The following TPTE variants were observed in gnomAD, a reference collection of about 807,000 sequenced individuals.
TPTE encodes the protein putative tyrosine-protein phosphatase TPTE.
In TPTE, 59 loss-of-function variants were observed where a neutral mutation model predicts 84.1. The observed-to-expected ratio is 0.70, with a 90% CI of 0.57 to 0.87. The LOEUF (loss-of-function observed/expected upper bound fraction) is 0.87, where lower values mean the gene tolerates loss of function less well. Ranked by LOEUF, TPTE falls within the 40% of genes least tolerant of loss-of-function variation. The pLI is 0.00. For synonymous variants in TPTE, 130 were observed against 223.5 expected, an observed-to-expected ratio of 0.58 and a Z score of 3.73; for missense variants, 382 against 659.6, an observed-to-expected ratio of 0.58 and a Z score of 4.61.
intron 20 of TPTE, 70 bp from the exon 21 acceptor site, chr21:10,597,945 G>A: frequency 1.3e-6 from 2 of 1,564,340 alleles, no homozygotes; most frequent in South Asian, 1.1e-5. Flanking sequence ...AATCCATGAT[G>A]TTAATTGGTG....
At chr21:10,569,773 C>A in intron 13 of TPTE, 27 bp downstream of exon 13, 1 of 1,613,996 alleles carries the variant, frequency 6.2e-7, no homozygotes, top group Non-Finnish European at 8.5e-7. Flanking sequence ...CGTTGATTTA[C>A]TTGTATTACT....
At chr21:10,524,916 G>A (rs1411488363) in intron 2 of TPTE, among the ~76,000 whole-genome samples, 3 of 152,426 alleles carry the variant, frequency 2.0e-5, no homozygotes, top group Admixed American at 1.3e-4. Flanking sequence ...AAAATAATTC[G>A]ATAGAAAAAT....
chr21:10,549,307 C>T (rs546037262), intron 7 of TPTE, among the ~76,000 whole-genome samples: 1 of 152,414 alleles, frequency 6.6e-6, no homozygotes, highest in East Asian at 1.9e-4. Flanking sequence ...AACACAGCAA[C>T]CATGAAAATG....
chr21:10,582,574 A>G (rs1233256057), intron 17 of TPTE, among the ~76,000 whole-genome samples: 8 of 152,306 alleles, frequency 5.3e-5, no homozygotes, highest in Non-Finnish European at 1.2e-4. Context: ...TGTACATGTG[A>G]CTCATCTTGT....
At chr21:10,552,321 T>A (rs1414186580) in intron 7 of TPTE, among the ~76,000 whole-genome samples, 1 of 152,306 alleles carries the variant, frequency 6.6e-6, no homozygotes. Context: ...ACCCACAATG[T>A]CTTTGAGATA....
chr21:10,588,293 A>C (rs1390632096), intron 17 of TPTE, among the ~76,000 whole-genome samples: 1 of 152,308 alleles, frequency 6.6e-6, no homozygotes, highest in Admixed American at 6.5e-5. Flanking sequence ...TTAATTCTGC[A>C]CCACATTTGG....
chr21:10,545,236 T>C (rs1403461981), intron 7 of TPTE, among the ~76,000 whole-genome samples: 1 of 147,518 alleles, frequency 6.8e-6, no homozygotes, highest in Non-Finnish European at 1.5e-5. Context: ...TTAAGATTGG[T>C]AAAATTCATT....
chr21:10,528,298 G>A (rs8132959), intron 3 of TPTE, among the ~76,000 whole-genome samples: 3,632 of 150,726 alleles, frequency 0.024, 1 homozygote, highest in African/African-American at 0.086. Context: ...AATCTGTGCT[G>A]GAGTCAACAA....
chr21:10,605,510 C>T lies in TPTE; in HGVS notation c.1614C>T (p.Gly538=), dbSNP rs148444026. The change falls in exon 24 of 24, where the codon GGC becomes GGT. Residue 538 remains glycine, a synonymous_variant. Transcript: ENST00000618007. ...ATTTTGCCGTGGAGATACTTTTTGG[C>T]GAGAAAATGACTTCCAGTGATGTTG... ...PSDFAVEILF[G]EKMTSSDVVA... 3,637 of 1,600,922 alleles carry T rather than the reference C, an allele frequency of 2.3e-3. No homozygotes were observed. The highest frequency in any genetic ancestry group is 0.01 in the African/African-American group (734 of 73,174).
At chr21:10,541,312 A>G (rs2074365875) in intron 5 of TPTE, 147 bp downstream of exon 5, 3 of 1,108,284 alleles carry the variant, frequency 2.7e-6, no homozygotes, top group Non-Finnish European at 3.9e-6. Context: ...TCTCTACTAA[A>G]ACTACAAGAA....
At chr21:10,550,002 G>C (rs372855268) in intron 7 of TPTE, among the ~76,000 whole-genome samples, 1,879 of 151,632 alleles carry the variant, frequency 0.012, no homozygotes, top group South Asian at 0.062. Context: ...AAGAGAATGG[G>C]ATGATACATT....
intron 7 of TPTE, among the ~76,000 whole-genome samples, chr21:10,551,836 A>C (rs1211364399): frequency 1.3e-5 from 2 of 152,308 alleles, no homozygotes; most frequent in Non-Finnish European, 2.9e-5. Context: ...CTTGACCCAT[A>C]CGACCTACCA....
intron 17 of TPTE, among the ~76,000 whole-genome samples, chr21:10,584,115 A>T (rs1284093876): frequency 6.6e-6 from 1 of 152,130 alleles, no homozygotes; most frequent in African/African-American, 2.4e-5. Flanking sequence ...GAACAGAGGT[A>T]TTCTCTCATT....
chr21:10,574,015 G>C (rs1265617373), intron 14 of TPTE, among the ~76,000 whole-genome samples: 1 of 152,312 alleles, frequency 6.6e-6, no homozygotes, highest in African/African-American at 2.4e-5. Context: ...GAATTATAAA[G>C]AATTGTGGCC....
intron 2 of TPTE, among the ~76,000 whole-genome samples, chr21:10,525,125 G>A (rs1468182588): frequency 6.6e-6 from 1 of 152,308 alleles, no homozygotes; most frequent in Non-Finnish European, 1.5e-5. Flanking sequence ...CCACCAAAAG[G>A]GCTTCAGTGG....
chr21:10,590,521 A>G lies in TPTE; in HGVS notation c.1087A>G (p.Lys363Glu), dbSNP rs1200817152. ...TGCCTCTGAAATATGTTCAACTGCA[A>G]AGGTATGAAAGATGTTCTACAAACT... ...LIASEICSTAKESLYYFGERR... is the reference protein window; with the variant it reads ...LIASEICSTAEESLYYFGERR... Residue 363 changes from lysine (K) to glutamate (E), a missense_variant and splice_region_variant, in exon 18 of 24, where the codon AAG becomes GAG. This residue lies in a region of TPTE where 37 missense variants were observed against 28.3 expected (regional missense o/e 1.31). Coordinates refer to ENST00000618007, the MANE Select transcript of TPTE (RefSeq NM_199261.4). 1 of 1,614,060 alleles carries G rather than the reference A, an allele frequency of 6.2e-7. No homozygotes were observed. Among genetic ancestry groups the G allele is most frequent in the Middle Eastern group, 1.7e-4 (1 of 6,060 alleles).
At chr21:10,541,936 C>T (rs1430900422) in intron 5 of TPTE, among the ~76,000 whole-genome samples, 2 of 152,308 alleles carry the variant, frequency 1.3e-5, no homozygotes, top group Non-Finnish European at 2.9e-5. Context: ...CTAAAATCAC[C>T]ATCCTATTGG....
chr21:10,560,113 A>T (rs1255136824), intron 9 of TPTE, among the ~76,000 whole-genome samples: 1 of 152,308 alleles, frequency 6.6e-6, no homozygotes, highest in Non-Finnish European at 1.5e-5. Flanking sequence ...CTTTTGCCTA[A>T]GATTAATTGT....
At chr21:10,568,131 G>T (rs1375690521) in intron 11 of TPTE, among the ~76,000 whole-genome samples, 1 of 152,308 alleles carries the variant, frequency 6.6e-6, no homozygotes, top group Non-Finnish European at 1.5e-5. Flanking sequence ...TTTTGGCTAA[G>T]ATCAAGTATA....
Sources: allele counts gnomAD v4.1 joint callset (sites outside exome capture counted in the v4.1 genomes callset), GRCh38; gene constraint gnomAD v4.1.1; regional missense constraint gnomAD v4.1.1; transcripts MANE v1.5; gene names NCBI Gene and HGNC (gene_info 2026-07-23, HGNC 2026-07-21).